The following TAOK3 variants were observed in gnomAD, a reference collection of about 807,000 sequenced individuals.
TAOK3 encodes the protein TAO kinase 3.
TAOK3 carries 40 observed loss-of-function variants against 120.4 expected under a neutral mutation model. The observed-to-expected ratio is 0.33, with a 90% CI of 0.26 to 0.43. TAOK3 has a LOEUF of 0.43. TAOK3 is among the 20% of genes least tolerant of loss of function. The probability of loss-of-function intolerance (pLI) is 1.00; values close to 1 mark genes in which losing one functional copy is unlikely to be tolerated. For missense variants in TAOK3, 821 were observed against 1,112.1 expected (o/e 0.74, Z 3.72); for synonymous variants, 355 against 387.5 (o/e 0.92, Z 0.99).
Position 118,372,353 on chromosome 12 carries a change from C to T in TAOK3, c.-194+295G>A, listed in dbSNP as rs1410567879. On this transcript the variant is annotated intron_variant, in intron 1 of 20. Coordinates refer to ENST00000392533, the MANE Select transcript of TAOK3 (RefSeq NM_016281.4). The surrounding 1 kb of genome is among the most constrained non-coding windows in gnomAD (Gnocchi z 4.6). ...GCCTCATGAGGCACCCACCCCTCACCCCACTACCCCAGCCCCTCTCCGGGT... is the reference window on the plus strand; with the variant it reads ...GCCTCATGAGGCACCCACCCCTCACTCCACTACCCCAGCCCCTCTCCGGGT... Among the ~76,000 whole-genome samples, 2 of 149,898 alleles carry T rather than the reference C, an allele frequency of 1.3e-5. No individual in the cohort carries two copies. The highest frequency in any genetic ancestry group is 2.1e-4 in the South Asian group (1 of 4,660).
intron 3 of TAOK3, among the ~76,000 whole-genome samples, chr12:118,252,586 G>A (rs2040803339): frequency 6.6e-6 from 1 of 152,054 alleles, no homozygotes; most frequent in Non-Finnish European, 1.5e-5. Context: ...ACTTCTTTAT[G>A]TATACTTATA....
rs183279275 is a variant in TAOK3, at chr12:118,169,976, T to C, written c.1899+2481A>G. 6.6e-3 allele frequency among the ~76,000 whole-genome samples: 1,000 copies of C among 150,784 alleles called. 4 individuals carry two copies. The highest frequency in any genetic ancestry group is 0.031 in the Middle Eastern group (9 of 288). On this transcript the variant is annotated intron_variant, in intron 17 of 20. Transcript: ENST00000392533. ...GACCTCGTGATCCGCCCGCCTCGGCTTCCCAAAGTGCTGGGATTACAGGAG... is the reference window on the plus strand; with the variant it reads ...GACCTCGTGATCCGCCCGCCTCGGCCTCCCAAAGTGCTGGGATTACAGGAG...
intron 19 of TAOK3, among the ~76,000 whole-genome samples, chr12:118,155,108 G>A (rs879448284): frequency 6.6e-6 from 1 of 152,024 alleles, no homozygotes; most frequent in Non-Finnish European, 1.5e-5. Context: ...CGATTCTCCT[G>A]CCTCAGCCTC....
At chr12:118,169,027 T>C (rs1337840212) in intron 17 of TAOK3, among the ~76,000 whole-genome samples, 3 of 151,534 alleles carry the variant, frequency 2.0e-5, no homozygotes, top group Non-Finnish European at 4.4e-5. Context: ...CTTTCTATTT[T>C]TTTGAGACAG....
chr12:118,282,075 G>C (rs2042118569), intron 1 of TAOK3, among the ~76,000 whole-genome samples: 1 of 152,184 alleles, frequency 6.6e-6, no homozygotes, highest in African/African-American at 2.4e-5. Context: ...TTTTCTAGAA[G>C]ATTCCTTGAT....
At chr12:118,272,568 G>T (rs1236865420) in intron 1 of TAOK3, among the ~76,000 whole-genome samples, 1 of 152,008 alleles carries the variant, frequency 6.6e-6, no homozygotes, top group South Asian at 2.1e-4. Flanking sequence ...ATACTGGAAA[G>T]AATTTTAAAG....
At chr12:118,330,549 T>A (rs1290689161) in intron 1 of TAOK3, among the ~76,000 whole-genome samples, 1 of 152,096 alleles carries the variant, frequency 6.6e-6, no homozygotes, top group Non-Finnish European at 1.5e-5. Flanking sequence ...TGGCTGCAGT[T>A]GATAGTTGGG....
intron 1 of TAOK3, among the ~76,000 whole-genome samples, chr12:118,305,891 C>T (rs1321104212): frequency 1.5e-5 from 2 of 137,348 alleles, no homozygotes; most frequent in East Asian, 2.1e-4. Flanking sequence ...CAACAGCAAA[C>T]GAGACTCCGT....
chr12:118,229,042 T>A (rs551513773), intron 9 of TAOK3, among the ~76,000 whole-genome samples: 3 of 152,078 alleles, frequency 2.0e-5, no homozygotes, highest in African/African-American at 4.8e-5. Flanking sequence ...CTACCTCAGC[T>A]TCACTTAATC....
chr12:118,183,790 CTTATTT>C (rs1397738287), intron 14 of TAOK3, among the ~76,000 whole-genome samples: 1 of 152,096 alleles, frequency 6.6e-6, no homozygotes, highest in Non-Finnish European at 1.5e-5. Flanking sequence ...GAAACTTTTT[CTTATTT>C]TAGCATTCCT....
intron 1 of TAOK3, among the ~76,000 whole-genome samples, chr12:118,348,379 C>G (rs2044969666): frequency 6.6e-6 from 1 of 152,146 alleles, no homozygotes; most frequent in African/African-American, 2.4e-5. Flanking sequence ...GACTATTCAT[C>G]TGGAATTAAA....
At chr12:118,201,498 T>G in intron 11 of TAOK3, 35 bp from the exon 12 acceptor site, 3 of 1,584,560 alleles carry the variant, frequency 1.9e-6, no homozygotes, top group Non-Finnish European at 2.6e-6. Context: ...AAACTGATAA[T>G]GAAGAAATGT....
chr12:118,177,180 A>G lies in TAOK3; in HGVS notation c.1695+21T>C, dbSNP rs761232941. On this transcript the variant is annotated intron_variant, in intron 16 of 20. Coordinates refer to ENST00000392533, the MANE Select transcript of TAOK3 (RefSeq NM_016281.4). The stretch of plus-strand genomic sequence containing the variant: ...ACCATTCTAATGGCAACTTGGTGAG[A>G]ACAAACATTGGTATCCTTACCTCTT... The G allele has an allele frequency of 8.1e-6, 13 of 1,611,002 alleles. No homozygotes were observed. The Admixed American group carries it at 2.2e-4, about 27-fold the overall frequency.
intron 5 of TAOK3, among the ~76,000 whole-genome samples, chr12:118,240,341 G>A (rs995522198): frequency 2.6e-5 from 4 of 151,672 alleles, no homozygotes; most frequent in African/African-American, 7.3e-5. Flanking sequence ...CACCACACGC[G>A]GCTAATTTTG....
intron 1 of TAOK3, among the ~76,000 whole-genome samples, chr12:118,363,122 C>T (rs1327571577): frequency 1.5e-5 from 2 of 133,884 alleles, no homozygotes; most frequent in African/African-American, 2.8e-5. Flanking sequence ...AATAAAATAA[C>T]AAATATGAAA....
intron 1 of TAOK3, among the ~76,000 whole-genome samples, chr12:118,306,117 T>G (rs1328264938): frequency 6.6e-6 from 1 of 152,126 alleles, no homozygotes; most frequent in African/African-American, 2.4e-5. Context: ...CTCTTAAAGC[T>G]CGACCACTGC....
intron 1 of TAOK3, among the ~76,000 whole-genome samples, chr12:118,290,816 G>T (rs1033485058): frequency 1.3e-5 from 2 of 151,476 alleles, no homozygotes; most frequent in Admixed American, 1.3e-4. Context: ...ACTTAACACG[G>T]TGGCTGATAC....
At chr12:118,346,357 A>C (rs1294357239) in intron 1 of TAOK3, among the ~76,000 whole-genome samples, 2 of 152,198 alleles carry the variant, frequency 1.3e-5, no homozygotes, top group Non-Finnish European at 2.9e-5. Context: ...AAAACAGGGA[A>C]ATTATAATTT....
intron 1 of TAOK3, among the ~76,000 whole-genome samples, chr12:118,285,920 C>T (rs760381067): frequency 7.2e-5 from 11 of 152,034 alleles, no homozygotes; most frequent in Non-Finnish European, 1.2e-4. Flanking sequence ...AGGCAAAAGG[C>T]GGAAGGACTC....
Sources: gnomAD v4.1 joint callset for allele counts (sites outside exome capture counted in the v4.1 genomes callset) on GRCh38, gnomAD v4.1.1 for gene constraint, Gnocchi (gnomAD v3.1) non-coding constraint, MANE v1.5 for transcripts, NCBI Gene and HGNC (gene_info 2026-07-23, HGNC 2026-07-21) for gene names.